ZMYM2: variants seen among roughly 807,000 people sequenced by gnomAD.
The protein encoded by ZMYM2 is zinc finger MYM-type protein 2.
ZMYM2 carries 56 observed loss-of-function variants against 162.8 expected under a neutral mutation model. That is an observed-to-expected ratio of 0.34 (90% CI 0.28 to 0.43). ZMYM2 has a LOEUF of 0.43. Among genes scored for constraint, ZMYM2 ranks in the 20% least tolerant of loss-of-function variants. The pLI, the probability that ZMYM2 is intolerant of heterozygous loss-of-function variation, is 1.00. For missense variants in ZMYM2, 1,275 were observed against 1,621.8 expected (o/e 0.79, Z 3.67); for synonymous variants, 510 against 541.6 (o/e 0.94, Z 0.81).
chr13:20,011,339 CTTACATTCAAACAA>C (rs1280904406), intron 6 of ZMYM2, among the ~76,000 whole-genome samples: 2 of 152,106 alleles, frequency 1.3e-5, no homozygotes, highest in East Asian at 3.9e-4. Flanking sequence ...TTACATTATA[CTTACATTCAAACAA>C]TCCACATCTG....
chr13:20,043,486 G>A (rs1319408653), intron 12 of ZMYM2, among the ~76,000 whole-genome samples: 2 of 152,184 alleles, frequency 1.3e-5, no homozygotes, highest in Non-Finnish European at 2.9e-5. Context: ...GTTGGCTACT[G>A]TGCCTGTGGT....
At chr13:20,051,000 A>G (rs935471913) in intron 12 of ZMYM2, among the ~76,000 whole-genome samples, 5 of 152,112 alleles carry the variant, frequency 3.3e-5, no homozygotes, top group Non-Finnish European at 5.9e-5. Context: ...TAAATTTCCC[A>G]TCATAAGAGC....
At chr13:19,959,607 G>A (rs1196263612) in intron 1 of ZMYM2, among the ~76,000 whole-genome samples, 1 of 152,136 alleles carries the variant, frequency 6.6e-6, no homozygotes, top group Non-Finnish European at 1.5e-5. Flanking sequence ...TTGGAGTGAC[G>A]GGGATGACGC....
At chr13:19,990,056 C>T (rs1949483789) in intron 2 of ZMYM2, among the ~76,000 whole-genome samples, 1 of 152,176 alleles carries the variant, frequency 6.6e-6, no homozygotes, top group Admixed American at 6.5e-5. Context: ...ATAGCAGCCA[C>T]AGTGATCTAT....
the ZMYM2 span, among the ~76,000 whole-genome samples, chr13:19,896,074 T>A: frequency 6.7e-6 from 1 of 149,570 alleles, no homozygotes; most frequent in Non-Finnish European, 1.5e-5. Flanking sequence ...TGTTCCCACA[T>A]TTTAGCTATT....
At chr13:19,908,582 T>C in the ZMYM2 span, among the ~76,000 whole-genome samples, 1 of 151,912 alleles carries the variant, frequency 6.6e-6, no homozygotes, top group Non-Finnish European at 1.5e-5. Context: ...CTGCTTTCCA[T>C]CTAATGGCTT....
At chr13:20,074,009 T>C (rs975206441) in intron 21 of ZMYM2, among the ~76,000 whole-genome samples, 1 of 152,174 alleles carries the variant, frequency 6.6e-6, no homozygotes, top group Non-Finnish European at 1.5e-5. Context: ...CATTAAATAA[T>C]AACTCTCCAT....
chr13:19,987,131 AAAAAAAAAAT>A (rs1949219405), intron 2 of ZMYM2, among the ~76,000 whole-genome samples: 1 of 151,402 alleles, frequency 6.6e-6, no homozygotes, highest in Non-Finnish European at 1.5e-5. Flanking sequence ...AAAAAAAAAA[AAAAAAAAAAT>A]TTCAGCAGTT....
chr13:20,075,768 G>A (rs918642285), intron 21 of ZMYM2, among the ~76,000 whole-genome samples: 1 of 132,258 alleles, frequency 7.6e-6, no homozygotes, highest in South Asian at 2.5e-4. Context: ...TGCAATCTCC[G>A]CTTCCTGGGT....
At chr13:19,875,698 C>T in the ZMYM2 span, among the ~76,000 whole-genome samples, 1 of 150,672 alleles carries the variant, frequency 6.6e-6, no homozygotes, top group South Asian at 2.1e-4. Context: ...AGCTGGAGGC[C>T]ATTATCCTAG....
intron 9 of ZMYM2, among the ~76,000 whole-genome samples, chr13:20,028,985 T>C (rs1952828090): frequency 2.0e-5 from 3 of 152,186 alleles, no homozygotes; most frequent in Non-Finnish European, 4.4e-5. Context: ...TTTTTCCCTT[T>C]ATCATAAAGC....
At chr13:19,928,146 C>T in the ZMYM2 span, among the ~76,000 whole-genome samples, 6 of 152,128 alleles carry the variant, frequency 3.9e-5, no homozygotes, top group East Asian at 1.9e-4. Context: ...GCTGGGACTA[C>T]GGGCACTCAC....
chr13:19,928,168 G>A, the ZMYM2 span, among the ~76,000 whole-genome samples: 1 of 152,234 alleles, frequency 6.6e-6, no homozygotes, highest in African/African-American at 2.4e-5. Context: ...ACCATGCCCA[G>A]CTAATTTCCC....
chr13:19,917,596 T>TAA, the ZMYM2 span, among the ~76,000 whole-genome samples: 220 of 133,186 alleles, frequency 1.7e-3, 1 homozygote, highest in East Asian at 8.0e-3. Context: ...ATCTCAAATT[T>TAA]AAAAAAAAAA....
the ZMYM2 span, among the ~76,000 whole-genome samples, chr13:19,940,816 A>G: frequency 1.3e-5 from 2 of 152,244 alleles, no homozygotes; most frequent in African/African-American, 4.8e-5. Flanking sequence ...GGAGGTACAT[A>G]AGAAAAATTT....
the ZMYM2 span, among the ~76,000 whole-genome samples, chr13:19,885,747 T>C: frequency 8.0e-5 from 12 of 150,842 alleles, no homozygotes; most frequent in Non-Finnish European, 1.6e-4. Context: ...CTCAGGAGGC[T>C]GAGGCAGGAG....
At chr13:20,048,240 TTAA>T (rs1449536042) in intron 12 of ZMYM2, among the ~76,000 whole-genome samples, 3 of 151,982 alleles carry the variant, frequency 2.0e-5, no homozygotes, top group Non-Finnish European at 4.4e-5. Context: ...GGGCTTTAAA[TTAA>T]TAATATTAGA....
At chr13:19,934,265 A>G in the ZMYM2 span, among the ~76,000 whole-genome samples, 1 of 152,058 alleles carries the variant, frequency 6.6e-6, no homozygotes, top group Non-Finnish European at 1.5e-5. Context: ...GGTTCAAGCA[A>G]TTCTCCTGCC....
At chr13:20,037,238 G>A (rs75494241) in intron 12 of ZMYM2, among the ~76,000 whole-genome samples, 1 of 21,890 alleles carries the variant, frequency 4.6e-5, no homozygotes, top group Non-Finnish European at 1.0e-4. Context: ...TTTTTTTTTT[G>A]AGATGAAATC....
Sources: allele counts gnomAD v4.1 joint callset (sites outside exome capture counted in the v4.1 genomes callset), GRCh38; gene constraint gnomAD v4.1.1; transcripts MANE v1.5; gene names NCBI Gene and HGNC (gene_info 2026-07-23, HGNC 2026-07-21).